The following MAN1A1 variants were observed in gnomAD, a reference collection of about 807,000 sequenced individuals.
MAN1A1 encodes the protein mannosyl-oligosaccharide 1,2-alpha-mannosidase IA.
MAN1A1 carries 29 observed loss-of-function variants against 70.8 expected under a neutral mutation model. That is an observed-to-expected ratio of 0.41 (90% CI 0.31 to 0.56). The LOEUF (loss-of-function observed/expected upper bound fraction) is 0.56. Ranked by LOEUF, MAN1A1 falls within the 20% of genes least tolerant of loss-of-function variation. The pLI, the probability that MAN1A1 is intolerant of heterozygous loss-of-function variation, is 0.29. For missense variants in MAN1A1, 747 were observed against 841.3 expected (o/e 0.89, Z 1.39); for synonymous variants, 349 against 330.1 (o/e 1.06, Z -0.62).
intron 5 of MAN1A1, among the ~76,000 whole-genome samples, chr6:119,267,796 A>G (rs908003002): frequency 6.6e-6 from 1 of 152,230 alleles, no homozygotes; most frequent in African/African-American, 2.4e-5. Flanking sequence ...GATCATTTCA[A>G]AAAAGGATGA....
rs1562245692 is a variant in MAN1A1, at chr6:119,331,595, AT to A, written c.603+16867del. On this transcript the variant is annotated intron_variant, in intron 2 of 12. Coordinates refer to ENST00000368468, the MANE Select transcript of MAN1A1 (RefSeq NM_005907.4). ...CATATATATATATATATATATATAT[AT>A]ATAATCAAGGGGATATAAACATACA... Among the ~76,000 whole-genome samples the A allele has an allele frequency of 7.5e-5, 11 of 147,114 alleles. 1 individual carries two copies. The highest frequency in any genetic ancestry group is 2.1e-4 in the South Asian group (1 of 4,752).
intron 5 of MAN1A1, among the ~76,000 whole-genome samples, chr6:119,263,454 G>A (rs945333016): frequency 2.0e-5 from 3 of 152,116 alleles, no homozygotes; most frequent in Non-Finnish European, 4.4e-5. Flanking sequence ...TAAACATTGA[G>A]TACATATGGA....
intron 6 of MAN1A1, among the ~76,000 whole-genome samples, chr6:119,210,007 C>G (rs1340128139): frequency 2.6e-5 from 4 of 152,106 alleles, no homozygotes; most frequent in African/African-American, 9.7e-5. Context: ...TAAAATTAGT[C>G]ATATCTTGCT....
chr6:119,186,832 G>T (rs3819727), intron 11 of MAN1A1, among the ~76,000 whole-genome samples: 21,452 of 152,120 alleles, frequency 0.14, 1,905 homozygotes, highest in Middle Eastern at 0.23. Context: ...CAGTTTTTCT[G>T]GTTTAAAAAA....
At chr6:119,310,782 T>C (rs939195088) in intron 2 of MAN1A1, among the ~76,000 whole-genome samples, 2 of 152,050 alleles carry the variant, frequency 1.3e-5, no homozygotes, top group Admixed American at 6.5e-5. Flanking sequence ...GTACAGATGA[T>C]TTTGCCACTT....
At chr6:119,309,217 T>C (rs1772634543) in intron 2 of MAN1A1, among the ~76,000 whole-genome samples, 1 of 152,242 alleles carries the variant, frequency 6.6e-6, no homozygotes, top group South Asian at 2.1e-4. Context: ...CTGGAAATGA[T>C]TTACCACATT....
At chr6:119,343,655 G>A (rs1773654465) in intron 2 of MAN1A1, among the ~76,000 whole-genome samples, 4 of 152,084 alleles carry the variant, frequency 2.6e-5, no homozygotes, top group Admixed American at 2.6e-4. Flanking sequence ...CTCAAAGAGG[G>A]AATCTCTTCC....
rs1209436165 is a variant in MAN1A1 at position 119,349,141 on chromosome 6, C to T, written c.-76G>A. The stretch of plus-strand genomic sequence containing the variant: ...CGCCGCCGCTGGGAGTCCGCGGCTG[C>T]GGGGCTGGGTCCTGCGTAGCCAGGC... On this transcript the variant is annotated 5_prime_UTR_variant, in exon 2 of 13. Coordinates refer to ENST00000368468, the MANE Select transcript of MAN1A1 (RefSeq NM_005907.4). The T allele has an allele frequency of 3.2e-6, 4 of 1,256,204 alleles. No homozygotes were observed. Among genetic ancestry groups the T allele is most frequent in the Middle Eastern group, 6.2e-4 (2 of 3,242 alleles). 77.8% of individuals were successfully genotyped at this position (1,256,204 alleles called of 1,614,324 possible).
chr6:119,247,753 C>T (rs1339740198), intron 6 of MAN1A1, among the ~76,000 whole-genome samples: 2 of 152,104 alleles, frequency 1.3e-5, no homozygotes, highest in Admixed American at 6.6e-5. Context: ...CATTGGCTGC[C>T]TTCCCTTCTT....
At chr6:119,321,382 A>C (rs1772999998) in intron 2 of MAN1A1, among the ~76,000 whole-genome samples, 1 of 152,334 alleles carries the variant, frequency 6.6e-6, no homozygotes, top group South Asian at 2.1e-4. Flanking sequence ...TCCTTGGCTT[A>C]GGACTCTCTA....
At chr6:119,313,567 G>C (rs142907682) in intron 2 of MAN1A1, among the ~76,000 whole-genome samples, 104 of 151,864 alleles carry the variant, frequency 6.8e-4, no homozygotes, top group African/African-American at 2.5e-3. Context: ...TCACTACTTA[G>C]TAGCTACGGT....
At chr6:119,199,083 CA>C (rs1477163040) in intron 8 of MAN1A1, among the ~76,000 whole-genome samples, 1 of 152,156 alleles carries the variant, frequency 6.6e-6, no homozygotes, top group Non-Finnish European at 1.5e-5. Context: ...CTGAACTATG[CA>C]GATCTTTCAA....
intron 2 of MAN1A1, among the ~76,000 whole-genome samples, chr6:119,331,449 C>T (rs1773307566): frequency 6.6e-6 from 1 of 151,644 alleles, no homozygotes; most frequent in South Asian, 2.1e-4. Context: ...TTGTTTCTTC[C>T]AGTGACAATT....
chr6:119,343,921 C>T (rs761208905), intron 2 of MAN1A1, among the ~76,000 whole-genome samples: 1 of 152,214 alleles, frequency 6.6e-6, no homozygotes, highest in African/African-American at 2.4e-5. Context: ...CCTCATCCCT[C>T]ACACGGATCT....
Position 119,332,064 on chromosome 6 carries a change from T to C in MAN1A1, c.603+16399A>G, listed in dbSNP as rs1773332378. ...CCATATTCTGAGAAAAACCAAATACTTGTTGTTCTGAGAATTTAATGAGAA... is the reference window on the plus strand; with the variant it reads ...CCATATTCTGAGAAAAACCAAATACCTGTTGTTCTGAGAATTTAATGAGAA... On this transcript the variant is annotated intron_variant, in intron 2 of 12. Transcript: ENST00000368468. The C allele has an allele frequency of 1.4e-5, 6 of 426,054 alleles. No individual in the cohort carries two copies. In the East Asian group the frequency reaches 3.6e-4, roughly 26 times the overall value. The allele number at this position is 426,054 out of a possible 1,614,324, so 26.4% of individuals were successfully genotyped here.
chr6:119,349,946 G>GGGGAGGTCGCGGGGCC (rs1405210489), upstream of MAN1A1, among the ~76,000 whole-genome samples: 1 of 152,042 alleles, frequency 6.6e-6, no homozygotes, highest in East Asian at 1.9e-4. Flanking sequence ...GGCCGGCGGC[G>GGGGAGGTCGCGGGGCC]GGGAGGTCGC....
chr6:119,283,572 CTT>C (rs1776277457), intron 5 of MAN1A1, among the ~76,000 whole-genome samples: 2 of 150,626 alleles, frequency 1.3e-5, no homozygotes, highest in Non-Finnish European at 3.0e-5. Context: ...GAGGGGGTGT[CTT>C]AGTGTTGTGC....
intron 5 of MAN1A1, among the ~76,000 whole-genome samples, chr6:119,286,476 G>A (rs1302055845): frequency 6.6e-6 from 1 of 152,004 alleles, no homozygotes; most frequent in African/African-American, 2.4e-5. Flanking sequence ...TATTTATTGA[G>A]TAAATCTCTT....
chr6:119,213,304 C>T (rs1251642526), intron 6 of MAN1A1, among the ~76,000 whole-genome samples: 1 of 152,152 alleles, frequency 6.6e-6, no homozygotes, highest in Non-Finnish European at 1.5e-5. Context: ...AGCTACCAAA[C>T]TACTTCATTC....
Sources: gnomAD v4.1 joint callset for allele counts (sites outside exome capture counted in the v4.1 genomes callset) on GRCh38, gnomAD v4.1.1 for gene constraint, MANE v1.5 for transcripts, NCBI Gene and HGNC (gene_info 2026-07-23, HGNC 2026-07-21) for gene names.